The following CIB4 variants were observed in gnomAD, a reference collection of about 807,000 sequenced individuals.
CIB4 encodes the protein calcium and integrin binding family member 4, also known as calcium and integrin-binding family member 4.
Under a neutral mutation model 25.8 loss-of-function variants are expected in CIB4, and 25 were observed. The observed-to-expected ratio is 0.97, with a 90% confidence interval of 0.71 to 1.35. CIB4 has a LOEUF of 1.35. Ranked by LOEUF, CIB4 falls within the 40% of genes most tolerant of loss-of-function variation. The pLI, the probability that CIB4 is intolerant of heterozygous loss-of-function variation, is 0.00. For synonymous variants in CIB4, 75 were observed against 81.4 expected (o/e 0.92, Z 0.42); for missense variants, 235 against 228.2 (o/e 1.03, Z -0.19).
intron 3 of CIB4, among the ~76,000 whole-genome samples, chr2:26,605,071 G>T (rs1050513251): frequency 6.6e-6 from 1 of 152,050 alleles, no homozygotes; most frequent in Non-Finnish European, 1.5e-5. Flanking sequence ...AAAGCATACA[G>T]AAAATGTTAT....
intron 3 of CIB4, 67 bp downstream of exon 3, chr2:26,629,343 G>T: frequency 2.6e-6 from 2 of 771,290 alleles, no homozygotes; most frequent in Non-Finnish European, 4.3e-6. Context: ...ACCCCTCCCA[G>T]CACCCATCAG....
At chr2:26,599,824 G>A (rs867910671) in intron 3 of CIB4, among the ~76,000 whole-genome samples, 1 of 151,262 alleles carries the variant, frequency 6.6e-6, no homozygotes, top group Admixed American at 6.6e-5. Context: ...CCTGTAATCC[G>A]AGCACTTTGG....
At chr2:26,633,030 C>T (rs906232995) in intron 2 of CIB4, among the ~76,000 whole-genome samples, 2 of 152,078 alleles carry the variant, frequency 1.3e-5, no homozygotes, top group East Asian at 1.9e-4. Flanking sequence ...CTCTCACGGA[C>T]ATTCTGCATG....
rs540927971 is a variant in CIB4 at position 26,597,849 on chromosome 2, G to A, written c.187-2532C>T. Reference sequence around the variant, plus strand: ...AAGGGGAGGGACTCAGCCAGCAAGTGGGAGAGCCGGCCTGAGACCCAGGAC... The same window carrying A: ...AAGGGGAGGGACTCAGCCAGCAAGTAGGAGAGCCGGCCTGAGACCCAGGAC... On this transcript the variant is annotated intron_variant, in intron 3 of 6. Transcript: ENST00000288861. 1.6e-3 allele frequency among the ~76,000 whole-genome samples: 244 copies of A among 151,998 alleles called. 1 individual carries two copies. Among genetic ancestry groups the A allele is most frequent in the Admixed American group, 2.7e-3 (41 of 15,254 alleles).
chr2:26,635,936 C>T (rs1295014784), intron 2 of CIB4, among the ~76,000 whole-genome samples: 3 of 152,174 alleles, frequency 2.0e-5, no homozygotes, highest in Non-Finnish European at 2.9e-5. Flanking sequence ...TACTGTGAAG[C>T]TTACAATCAA....
intron 4 of CIB4, among the ~76,000 whole-genome samples, chr2:26,594,140 C>A (rs927066580): frequency 1.3e-5 from 2 of 152,250 alleles, no homozygotes; most frequent in African/African-American, 2.4e-5. Context: ...CTCTAGAACA[C>A]ATCTCGCTTT....
At chr2:26,641,240 T>C in intron 1 of CIB4, 21 bp downstream of exon 1, 2 of 1,602,614 alleles carry the variant, frequency 1.2e-6, no homozygotes, top group Non-Finnish European at 1.7e-6. Context: ...CTGCCCAGAG[T>C]CCCTAGCCCG....
At chr2:26,620,356 A>G (rs186463757) in intron 3 of CIB4, among the ~76,000 whole-genome samples, 2 of 152,352 alleles carry the variant, frequency 1.3e-5, no homozygotes, top group Admixed American at 6.5e-5. Context: ...AAGCAGTTGG[A>G]GTTCTAGACA....
At chr2:26,632,023 C>T (rs989117118) in intron 2 of CIB4, among the ~76,000 whole-genome samples, 5 of 152,208 alleles carry the variant, frequency 3.3e-5, no homozygotes, top group African/African-American at 1.2e-4. Context: ...GAGTGTGCCA[C>T]CTGCTTCCCG....
intron 3 of CIB4, among the ~76,000 whole-genome samples, chr2:26,626,492 T>C (rs1669308541): frequency 6.6e-6 from 1 of 152,208 alleles, no homozygotes; most frequent in Non-Finnish European, 1.5e-5. Context: ...AAAATGATTG[T>C]GGCAGTCATC....
chr2:26,620,558 C>T (rs1669186409), intron 3 of CIB4, among the ~76,000 whole-genome samples: 1 of 152,164 alleles, frequency 6.6e-6, no homozygotes, highest in Non-Finnish European at 1.5e-5. Context: ...CCTCACCAGC[C>T]CTCTTTCCTA....
chr2:26,633,805 C>T (rs952805399), intron 2 of CIB4, among the ~76,000 whole-genome samples: 4 of 152,176 alleles, frequency 2.6e-5, no homozygotes, highest in Non-Finnish European at 5.9e-5. Flanking sequence ...GGGCTGCCTG[C>T]GGGCTCAGGG....
intron 3 of CIB4, among the ~76,000 whole-genome samples, chr2:26,617,859 G>A (rs939706072): frequency 3.3e-5 from 5 of 152,142 alleles, no homozygotes; most frequent in Admixed American, 1.3e-4. Context: ...CCTCATCAAC[G>A]GACCAAACCT....
chr2:26,588,075 C>T (rs1668490168), intron 4 of CIB4, among the ~76,000 whole-genome samples: 1 of 152,228 alleles, frequency 6.6e-6, no homozygotes, highest in Non-Finnish European at 1.5e-5. Flanking sequence ...TCTGCTACCA[C>T]CTCCATGGGA....
At chr2:26,589,022 T>G (rs1378728310) in intron 4 of CIB4, among the ~76,000 whole-genome samples, 4 of 30,208 alleles carry the variant, frequency 1.3e-4, no homozygotes, top group African/African-American at 5.3e-4. Flanking sequence ...TTCTTCTTCT[T>G]CTTCTTCTTC....
intron 4 of CIB4, among the ~76,000 whole-genome samples, chr2:26,593,342 A>G (rs1668620408): frequency 6.6e-6 from 1 of 151,752 alleles, no homozygotes; most frequent in African/African-American, 2.4e-5. Flanking sequence ...GTGTGTGTAT[A>G]TATACATATA....
Position 26,641,242 on chromosome 2 carries a change from C to T in CIB4, c.54+19G>A, listed in dbSNP as rs755263351. The T allele has an allele frequency of 2.2e-5, 35 of 1,606,464 alleles. No individual in the cohort carries two copies. The highest frequency in any genetic ancestry group is 2.9e-5 in the Non-Finnish European group (34 of 1,173,346). On this transcript the variant is annotated intron_variant, in intron 1 of 6. Coordinates refer to ENST00000288861, the MANE Select transcript of CIB4 (RefSeq NM_001029881.3). ...GAAGCTCCCACCTCTGCCCAGAGTCCCTAGCCCGATCTACCCACCTGGTAC... is the reference window on the plus strand; with the variant it reads ...GAAGCTCCCACCTCTGCCCAGAGTCTCTAGCCCGATCTACCCACCTGGTAC...
At chr2:26,595,037 A>G (rs1364426792) in intron 4 of CIB4, 139 bp downstream of exon 4, 2 of 776,618 alleles carry the variant, frequency 2.6e-6, no homozygotes, top group East Asian at 5.0e-5. Context: ...TGGTACATGC[A>G]AAATATGACA....
At chr2:26,632,916 T>C (rs1308010727) in intron 2 of CIB4, among the ~76,000 whole-genome samples, 3 of 152,002 alleles carry the variant, frequency 2.0e-5, no homozygotes, top group Non-Finnish European at 4.4e-5. Flanking sequence ...CAACAAAAAT[T>C]AATGTTTTGG....
Sources: gnomAD v4.1 joint callset for allele counts (sites outside exome capture counted in the v4.1 genomes callset) on GRCh38, gnomAD v4.1.1 for gene constraint, MANE v1.5 for transcripts, NCBI Gene and HGNC (gene_info 2026-07-23, HGNC 2026-07-21) for gene names.